Variants in AUTS2 observed in about 807,000 individuals in gnomAD.
AUTS2 encodes activator of transcription and developmental regulator AUTS2.
A neutral mutation model predicts 112.4 loss-of-function variants in AUTS2; 17 were observed. The observed-to-expected ratio is 0.15, with a 90% CI of 0.10 to 0.23. The LOEUF (loss-of-function observed/expected upper bound fraction) is 0.23. AUTS2 is among the 10% of genes least tolerant of loss of function. The pLI is 1.00. For missense variants in AUTS2, 1,510 were observed against 1,701.6 expected, an observed-to-expected ratio of 0.89 and a Z score of 1.98; for synonymous variants, 751 against 702.7, an observed-to-expected ratio of 1.07 and a Z score of -1.09.
chr7:70,567,808 A>G (rs577865385), intron 5 of AUTS2, among the ~76,000 whole-genome samples: 1 of 152,296 alleles, frequency 6.6e-6, no homozygotes, highest in Admixed American at 6.5e-5. Flanking sequence ...CGCTCCTCCC[A>G]CAGTGTGCCC....
At chr7:70,390,450 A>T (rs1793801180) in intron 4 of AUTS2, among the ~76,000 whole-genome samples, 1 of 152,090 alleles carries the variant, frequency 6.6e-6, no homozygotes, top group Admixed American at 6.6e-5. Context: ...TCATCTACCA[A>T]TGATGGATCT....
At chr7:70,198,425 AG>A (rs1810308182) in intron 4 of AUTS2, among the ~76,000 whole-genome samples, 1 of 151,872 alleles carries the variant, frequency 6.6e-6, no homozygotes. Context: ...CCAAAGGCAA[AG>A]AAGTTGAAAA....
chr7:70,784,702 G>A (rs569394259), intron 15 of AUTS2: 1 of 520,600 alleles, frequency 1.9e-6, no homozygotes, highest in South Asian at 2.4e-5. Flanking sequence ...GGCCAGCCAC[G>A]CTGGGAAAGA....
chr7:69,630,191 A>AG (rs917009338), intron 1 of AUTS2, among the ~76,000 whole-genome samples: 1 of 152,158 alleles, frequency 6.6e-6, no homozygotes, highest in Non-Finnish European at 1.5e-5. Context: ...CTGGAGGCGG[A>AG]GGTTGCAGTG....
intron 4 of AUTS2, among the ~76,000 whole-genome samples, chr7:70,254,161 G>A (rs917860931): frequency 6.6e-6 from 1 of 152,004 alleles, no homozygotes; most frequent in African/African-American, 2.4e-5. Context: ...ATCAGTCTTA[G>A]TACCTAATCT....
At chr7:70,517,446 G>T (rs939487244) in intron 5 of AUTS2, among the ~76,000 whole-genome samples, 1 of 152,016 alleles carries the variant, frequency 6.6e-6, no homozygotes, top group African/African-American at 2.4e-5. Context: ...ATACAAATTG[G>T]AGTTGACATG....
chr7:69,785,097 C>T (rs1789309265), intron 1 of AUTS2, among the ~76,000 whole-genome samples: 1 of 151,758 alleles, frequency 6.6e-6, no homozygotes, highest in South Asian at 2.1e-4. Flanking sequence ...TCATGGAAGG[C>T]CTTATAAATG....
At chr7:70,276,376 ACTT>A (rs2129609745) in intron 4 of AUTS2, among the ~76,000 whole-genome samples, 1 of 147,700 alleles carries the variant, frequency 6.8e-6, no homozygotes, top group South Asian at 2.1e-4. Flanking sequence ...AAATTTTGTG[ACTT>A]TTTTTTTTTT....
At chr7:69,628,130 A>G (rs1225779107) in intron 1 of AUTS2, among the ~76,000 whole-genome samples, 3 of 152,178 alleles carry the variant, frequency 2.0e-5, no homozygotes, top group Non-Finnish European at 4.4e-5. Context: ...AAGGGCATTT[A>G]CAGACGTTTA....
chr7:70,222,013 A>G (rs1179131098), intron 4 of AUTS2, among the ~76,000 whole-genome samples: 2 of 152,362 alleles, frequency 1.3e-5, no homozygotes, highest in African/African-American at 2.4e-5. Context: ...AGAAAAGTAT[A>G]TGTTTGATTA....
At chr7:70,027,849 C>T (rs761789215) in intron 2 of AUTS2, among the ~76,000 whole-genome samples, 7 of 151,324 alleles carry the variant, frequency 4.6e-5, no homozygotes, top group Non-Finnish European at 8.8e-5. Flanking sequence ...TGTTTAAGTA[C>T]AAGGAACTCA....
At chr7:70,556,292 T>C (rs1473937337) in intron 5 of AUTS2, among the ~76,000 whole-genome samples, 1 of 151,958 alleles carries the variant, frequency 6.6e-6, no homozygotes, top group East Asian at 1.9e-4. Flanking sequence ...CACAGATACC[T>C]CCCATCAGGT....
intron 4 of AUTS2, among the ~76,000 whole-genome samples, chr7:70,373,899 T>C (rs1190839640): frequency 6.6e-6 from 1 of 152,204 alleles, no homozygotes; most frequent in Non-Finnish European, 1.5e-5. Context: ...GTCATCTTTT[T>C]TTTTTCACTA....
chr7:70,063,507 T>C (rs1420480342), intron 2 of AUTS2, among the ~76,000 whole-genome samples: 1 of 152,174 alleles, frequency 6.6e-6, no homozygotes, highest in East Asian at 1.9e-4. Context: ...TCTCTCAGCC[T>C]CGGTTTTCTC....
chr7:70,146,950 T>C (rs975190263), intron 4 of AUTS2, among the ~76,000 whole-genome samples: 4 of 152,162 alleles, frequency 2.6e-5, no homozygotes, highest in Non-Finnish European at 5.9e-5. Context: ...ATTTAAAATA[T>C]GCATGTGTAC....
chr7:69,602,040 ATG>A (rs6150156), intron 1 of AUTS2, among the ~76,000 whole-genome samples: 3,232 of 44,516 alleles, frequency 0.073, 70 homozygotes, highest in Non-Finnish European at 0.11. Flanking sequence ...ATATATATAT[ATG>A]TGTGTGTGTG....
At chr7:69,815,748 C>T (rs544622253) in intron 1 of AUTS2, among the ~76,000 whole-genome samples, 3 of 152,326 alleles carry the variant, frequency 2.0e-5, no homozygotes, top group Admixed American at 6.5e-5. Flanking sequence ...CCCTTGACCT[C>T]GTGATCCACC....
At chr7:69,994,880 AG>A (rs1229246102) in intron 2 of AUTS2, among the ~76,000 whole-genome samples, 1 of 152,152 alleles carries the variant, frequency 6.6e-6, no homozygotes, top group African/African-American at 2.4e-5. Context: ...TTATTAGAAA[AG>A]ATCCATTGTT....
chr7:70,087,372 CT>C (rs571292584), intron 2 of AUTS2, among the ~76,000 whole-genome samples: 154 of 137,656 alleles, frequency 1.1e-3, no homozygotes, highest in Middle Eastern at 7.4e-3. Flanking sequence ...TTTTCTTTTT[CT>C]TTTTTTTTTT....
Sources: gnomAD v4.1 joint callset for allele counts (sites outside exome capture counted in the v4.1 genomes callset) on GRCh38, gnomAD v4.1.1 for gene constraint, MANE v1.5 for transcripts, NCBI Gene and HGNC (gene_info 2026-07-23, HGNC 2026-07-21) for gene names.